The following CACNA1H variants were observed in gnomAD, a reference collection of about 807,000 sequenced individuals.
CACNA1H encodes the protein calcium voltage-gated channel subunit alpha1 H.
A neutral mutation model predicts 192.5 loss-of-function variants in CACNA1H; 149 were observed. The observed-to-expected ratio is 0.77, with a 90% CI of 0.68 to 0.89. CACNA1H has a LOEUF of 0.89. Among genes scored for constraint, CACNA1H ranks in the 40% least tolerant of loss-of-function variants. The probability of loss-of-function intolerance (pLI) is 0.00; values close to 1 mark genes in which losing one functional copy is unlikely to be tolerated. For synonymous variants in CACNA1H, 2,202 were observed against 1,475.2 expected, an observed-to-expected ratio of 1.49 and a Z score of -11.29; for missense variants, 4,257 against 3,423.5, an observed-to-expected ratio of 1.24 and a Z score of -6.08.
rs1970075811 is a variant in CACNA1H at position 1,216,943 on chromosome 16, G to A, written c.5256G>A (p.Leu1752=). 2 of 1,603,360 alleles carry A rather than the reference G, an allele frequency of 1.2e-6. No homozygotes were observed. Among genetic ancestry groups the A allele is most frequent in the Non-Finnish European group, 1.7e-6 (2 of 1,175,080 alleles). The change falls in exon 31 of 35, where the codon CTG becomes CTA. Residue 1752 remains leucine, a synonymous_variant. Coordinates refer to ENST00000348261, the MANE Select transcript of CACNA1H (RefSeq NM_021098.3). ...VVQALPQVGN[L]GLLFMLLFFI... is the part of the protein sequence containing the mutation. The stretch of plus-strand genomic sequence containing the variant: ...TCTCTCTTGTGTAGGTGGGGAACCT[G>A]GGCCTTCTTTTCATGCTCCTGTTTT...
chr16:1,212,317 C>A, intron 25 of CACNA1H, 179 bp downstream of exon 25: 1 of 1,145,020 alleles, frequency 8.7e-7, no homozygotes, highest in Non-Finnish European at 1.2e-6. Context: ...CGTCGGGGAG[C>A]CCGCCATGGC....
chr16:1,216,347 G>A (rs930752119), intron 30 of CACNA1H, among the ~76,000 whole-genome samples: 1 of 152,276 alleles, frequency 6.6e-6, no homozygotes, highest in Non-Finnish European at 1.5e-5. Flanking sequence ...GCTCAGCTGT[G>A]CAGAGAAGGG....
Position 1,202,370 on chromosome 16 carries a change from G to T in CACNA1H, c.1920G>T (p.Pro640=), listed in dbSNP as rs370824503. The T allele has an allele frequency of 6.4e-7, 1 of 1,556,654 alleles. No homozygotes were observed. Among genetic ancestry groups the T allele is most frequent in the South Asian group, 1.2e-5 (1 of 84,206 alleles). Residue 640 remains proline (P), a synonymous_variant, in exon 9 of 35, where the codon CCG becomes CCT. Transcript: ENST00000348261. ...CCAAGGGGAAGTGGGCCGGTGGACCGCCAGGCACCGGGGGGCACGGCCCGT... is the reference window on the plus strand; with the variant it reads ...CCAAGGGGAAGTGGGCCGGTGGACCTCCAGGCACCGGGGGGCACGGCCCGT... The part of the protein sequence containing the change: ...PGPKGKWAGG[P]PGTGGHGPLS...
chr16:1,203,426 G>T (rs964330765), intron 9 of CACNA1H, among the ~76,000 whole-genome samples: 2 of 152,198 alleles, frequency 1.3e-5, no homozygotes, highest in African/African-American at 2.4e-5. Flanking sequence ...CCCAAGGCAG[G>T]CAAACGTCTC....
intron 6 of CACNA1H, 98 bp from the exon 7 acceptor site, chr16:1,200,158 C>T (rs963469620): frequency 8.1e-6 from 8 of 987,896 alleles, no homozygotes; most frequent in African/African-American, 2.6e-5. Flanking sequence ...TGATCACGTC[C>T]CTGACCTTGA....
chr16:1,156,994 C>T (rs760580620), intron 2 of CACNA1H: 1 of 152,238 alleles, frequency 6.6e-6, no homozygotes, highest in Non-Finnish European at 1.5e-5. Context: ...CGCTGCTTCT[C>T]CTCCACAGGT....
intron 2 of CACNA1H, among the ~76,000 whole-genome samples, chr16:1,179,532 G>A (rs920479685): frequency 6.6e-6 from 1 of 152,060 alleles, no homozygotes; most frequent in Non-Finnish European, 1.5e-5. Flanking sequence ...GGGTTCAAGC[G>A]ATTCTCCTGC....
At chr16:1,173,712 C>T (rs1231654008) in intron 2 of CACNA1H, among the ~76,000 whole-genome samples, 1 of 152,230 alleles carries the variant, frequency 6.6e-6, no homozygotes, top group African/African-American at 2.4e-5. Flanking sequence ...GGTGGGGCTC[C>T]CCGGCCGCCG....
rs182771080 is a variant in CACNA1H at position 1,194,224 on chromosome 16, C to T, written c.300-748C>T. On this transcript the variant is annotated intron_variant, in intron 2 of 34. Coordinates refer to ENST00000348261, the MANE Select transcript of CACNA1H (RefSeq NM_021098.3). ...GTGAGAGGATGCCCAGCTCTGTCTC[C>T]TCCTCGGTTCCCACGTGTTGGTGAC... Among the ~76,000 whole-genome samples the T allele has an allele frequency of 1.4e-3, 211 of 152,278 alleles. 1 individual carries two copies. Among genetic ancestry groups the T allele is most frequent in the African/African-American group, 4.9e-3 (204 of 41,548 alleles).
intron 30 of CACNA1H, among the ~76,000 whole-genome samples, chr16:1,215,954 C>CCGGGGCCCCCT (rs1363924539): frequency 2.3e-4 from 35 of 152,284 alleles, no homozygotes; most frequent in Non-Finnish European, 4.9e-4. Flanking sequence ...GGCTGCGGGC[C>CCGGGGCCCCCT]CGGGGCCCCC....
At chr16:1,172,415 C>T (rs148141205) in intron 2 of CACNA1H, among the ~76,000 whole-genome samples, 417 of 152,268 alleles carry the variant, frequency 2.7e-3, no homozygotes, top group Non-Finnish European at 4.7e-3. Flanking sequence ...CCCTCTTAGA[C>T]GGTGGCAGCG....
chr16:1,180,048 T>C lies in CACNA1H; in HGVS notation c.300-14924T>C, dbSNP rs1279060007. On this transcript the variant is annotated intron_variant, in intron 2 of 34. Transcript: ENST00000348261. The surrounding 1 kb of genome is among the most constrained non-coding windows in gnomAD (Gnocchi z 4.4). Reference sequence around the variant, plus strand: ...CCATGCCCGGCCCGGCCTTGTTTTTTAATATACATCTGGTTGCCGGGTGAT... The same window carrying C: ...CCATGCCCGGCCCGGCCTTGTTTTTCAATATACATCTGGTTGCCGGGTGAT... Among the ~76,000 whole-genome samples, 1 of 152,228 alleles carries C rather than the reference T, an allele frequency of 6.6e-6. No homozygotes were observed.
At chr16:1,154,086 T>A (rs777490298) in intron 2 of CACNA1H, 50 bp downstream of exon 2, 1 of 64,248 alleles carries the variant, frequency 1.6e-5, no homozygotes, top group Non-Finnish European at 2.6e-5. Flanking sequence ...GTGGGGAGGG[T>A]GGGGGCCCGG....
rs1386604915 is a variant in CACNA1H at position 1,180,202 on chromosome 16, C to G, written c.300-14770C>G. The stretch of plus-strand genomic sequence containing the variant: ...GTCAGCCGGCTCCTGGGTGCACAGG[C>G]AGGTGGTGTGCGTCCGCATTGCAGA... On this transcript the variant is annotated intron_variant, in intron 2 of 34. Coordinates refer to ENST00000348261, the MANE Select transcript of CACNA1H (RefSeq NM_021098.3). This position sits in a 1 kb window ranked among gnomAD's most constrained non-coding sequence, Gnocchi z 4.4. Among the ~76,000 whole-genome samples, 10 of 152,246 alleles carry G rather than the reference C, an allele frequency of 6.6e-5. No individual in the cohort carries two copies. Among genetic ancestry groups the G allele is most frequent in the Non-Finnish European group, 1.0e-4 (7 of 68,046 alleles).
At chr16:1,159,245 C>T (rs1420452275) in intron 2 of CACNA1H, among the ~76,000 whole-genome samples, 1 of 152,126 alleles carries the variant, frequency 6.6e-6, no homozygotes, top group East Asian at 1.9e-4. Context: ...GAGGCATGGT[C>T]GGGGCCCCTC....
intron 1 of CACNA1H, 41 bp downstream of exon 1, chr16:1,153,511 C>G (rs1215703075): frequency 3.7e-6 from 1 of 273,876 alleles, no homozygotes; most frequent in Non-Finnish European, 6.5e-6. Context: ...CCCTCTTCAA[C>G]TTGCGCGAAG....
At chr16:1,213,383 C>A (rs1969682895) in intron 26 of CACNA1H, among the ~76,000 whole-genome samples, 1 of 152,146 alleles carries the variant, frequency 6.6e-6, no homozygotes, top group Admixed American at 6.5e-5. Flanking sequence ...TTGGGAGCTC[C>A]AGGGGGGCGG....
intron 2 of CACNA1H, among the ~76,000 whole-genome samples, chr16:1,175,840 G>A (rs1468417807): frequency 1.3e-5 from 2 of 152,198 alleles, no homozygotes; most frequent in Non-Finnish European, 2.9e-5. Context: ...GTGCGTTGAG[G>A]GGCGTGTGCC....
intron 2 of CACNA1H, among the ~76,000 whole-genome samples, chr16:1,169,355 T>C (rs1003739847): frequency 2.6e-5 from 4 of 152,190 alleles, no homozygotes; most frequent in Non-Finnish European, 4.4e-5. Flanking sequence ...ACCCCCGACC[T>C]GCCCTCCCAC....
Sources: allele counts gnomAD v4.1 joint callset (sites outside exome capture counted in the v4.1 genomes callset), GRCh38; gene constraint gnomAD v4.1.1; non-coding constraint Gnocchi (gnomAD v3.1); transcripts MANE v1.5; gene names NCBI Gene and HGNC (gene_info 2026-07-23, HGNC 2026-07-21).